ABLIM2: variants seen among roughly 807,000 people sequenced by gnomAD.
The protein encoded by ABLIM2 is actin binding LIM protein family member 2.
ABLIM2 carries 53 observed loss-of-function variants against 97.7 expected under a neutral mutation model. That is an observed-to-expected ratio of 0.54 (90% CI 0.44 to 0.68). The LOEUF is 0.68. ABLIM2 is among the 30% of genes least tolerant of loss of function. The pLI is 0.00. For missense variants in ABLIM2, 835 were observed against 867.2 expected, an observed-to-expected ratio of 0.96 and a Z score of 0.47; for synonymous variants, 361 against 345.8, an observed-to-expected ratio of 1.04 and a Z score of -0.49.
At chr4:7,980,832 G>C (rs1424170935) in intron 20 of ABLIM2, among the ~76,000 whole-genome samples, 1 of 151,456 alleles carries the variant, frequency 6.6e-6, no homozygotes, top group East Asian at 1.9e-4. Context: ...TGAGAGTCTA[G>C]CACCTTTTAA....
intron 14 of ABLIM2, among the ~76,000 whole-genome samples, chr4:8,016,344 G>A (rs1163017152): frequency 2.0e-5 from 3 of 152,028 alleles, no homozygotes; most frequent in African/African-American, 4.8e-5. Flanking sequence ...GTGCCTGGCC[G>A]GTCATGAATT....
intron 10 of ABLIM2, among the ~76,000 whole-genome samples, chr4:8,034,474 TGGTA>T (rs1782944435): frequency 2.9e-5 from 2 of 69,270 alleles, no homozygotes; most frequent in Non-Finnish European, 2.8e-5. Context: ...TGCTGGTGGG[TGGTA>T]GGTGGGTGCA....
rs554175244 is a variant in ABLIM2, at chr4:8,023,583, C to T, written c.1268-3280G>A. ...TCGTCAGCCATGGTGGCCTGCTCCA[C>T]GGTGGACTTGCTCCTTCTCTCCCCT... On this transcript the variant is annotated intron_variant, in intron 12 of 20. Transcript: ENST00000447017. This position sits in a 1 kb window ranked among gnomAD's most constrained non-coding sequence, Gnocchi z 5.7. Among the ~76,000 whole-genome samples the T allele has an allele frequency of 1.7e-3, 257 of 152,268 alleles. No individual in the cohort carries two copies. The highest frequency in any genetic ancestry group is 3.8e-3 in the African/African-American group (160 of 41,568).
intron 1 of ABLIM2, among the ~76,000 whole-genome samples, chr4:8,111,560 G>A (rs79883273): frequency 6.6e-6 from 1 of 152,196 alleles, no homozygotes; most frequent in East Asian, 1.9e-4. Flanking sequence ...GACGGGATGG[G>A]AGCACATCGG....
At position 8,150,454 on chromosome 4, in the gene ABLIM2, C is replaced by T. The variant is rs555247388; in HGVS notation, c.10+8226G>A. 9.2e-5 allele frequency among the ~76,000 whole-genome samples: 14 copies of T among 152,290 alleles called. No individual in the cohort carries two copies. Among genetic ancestry groups the T allele is most frequent in the East Asian group, 3.9e-4 (2 of 5,174 alleles). On this transcript the variant is annotated intron_variant, in intron 1 of 20. Transcript: ENST00000447017. The surrounding 1 kb of genome is among the most constrained non-coding windows in gnomAD (Gnocchi z 6.3). The stretch of plus-strand genomic sequence containing the variant: ...ATCGTGCCCTGAGGACAGACGCCAG[C>T]GAGGACAGAGGCAGCATGCTAGCCG...
At chr4:8,042,839 C>CAAAAAAA (rs35649540) in intron 9 of ABLIM2, among the ~76,000 whole-genome samples, 6 of 62,382 alleles carry the variant, frequency 9.6e-5, no homozygotes, top group Admixed American at 2.0e-4. Context: ...AACTCCAACT[C>CAAAAAAA]AAAAAAAAAA....
At chr4:8,030,016 G>A (rs1325892842) in intron 10 of ABLIM2, among the ~76,000 whole-genome samples, 3 of 152,136 alleles carry the variant, frequency 2.0e-5, no homozygotes, top group Non-Finnish European at 4.4e-5. Flanking sequence ...GTGTGGTACA[G>A]GGACCCACTG....
intron 7 of ABLIM2, among the ~76,000 whole-genome samples, chr4:8,056,902 A>T (rs1188194736): frequency 8.3e-6 from 1 of 120,820 alleles, no homozygotes; most frequent in Non-Finnish European, 1.6e-5. Flanking sequence ...ACTGCACTCC[A>T]CCCTGGGCGA....
rs62290652 is a variant in ABLIM2, at chr4:8,046,897, G to C, written c.823-1656C>G. 0.015 allele frequency among the ~76,000 whole-genome samples: 2,213 copies of C among 152,304 alleles called. 18 individuals carry two copies. The highest frequency in any genetic ancestry group is 0.023 in the Non-Finnish European group (1,570 of 68,018). ...GAAGGCAGCATCTACGAGCCAACGAGGGAGAAACCACCCCAGCTAACCCCG... is the reference window on the plus strand; with the variant it reads ...GAAGGCAGCATCTACGAGCCAACGACGGAGAAACCACCCCAGCTAACCCCG... On this transcript the variant is annotated intron_variant, in intron 8 of 20. Transcript: ENST00000447017. This position sits in a 1 kb window ranked among gnomAD's most constrained non-coding sequence, Gnocchi z 4.4.
chr4:8,091,809 A>AT lies in ABLIM2; in HGVS notation c.339-3526dup, dbSNP rs1222623411. Among the ~76,000 whole-genome samples the AT allele has an allele frequency of 2.2e-4, 19 of 85,946 alleles. No homozygotes were observed. In the East Asian group the frequency reaches 5.1e-3, roughly 23 times the overall value. 56.4% of individuals were successfully genotyped at this position (85,946 alleles called of 152,430 possible). On this transcript the variant is annotated intron_variant, in intron 3 of 20. Transcript: ENST00000447017. Reference sequence around the variant, plus strand: ...AATAATTATAGAATTAATATATTATATATTATATAATATATTATATAAATA... The same window carrying AT: ...AATAATTATAGAATTAATATATTATATTATTATATAATATATTATATAAATA...
At chr4:8,047,931 T>A (rs555666701) in intron 8 of ABLIM2, among the ~76,000 whole-genome samples, 1 of 152,352 alleles carries the variant, frequency 6.6e-6, no homozygotes, top group Middle Eastern at 3.4e-3. Context: ...AGAAAGATTC[T>A]CTGAAGCCGA....
chr4:8,133,919 T>C (rs1330003970), intron 1 of ABLIM2, among the ~76,000 whole-genome samples: 1 of 152,084 alleles, frequency 6.6e-6, no homozygotes, highest in East Asian at 1.9e-4. Flanking sequence ...GGGGAGCACC[T>C]GTCAGGCACC....
In ABLIM2 at chr4:8,127,616, C is replaced by G; in HGVS notation, c.11-20979G>C. 1 of 1,289,458 alleles carries G rather than the reference C, an allele frequency of 7.8e-7. No homozygotes were observed. Among genetic ancestry groups the G allele is most frequent in the South Asian group, 1.2e-5 (1 of 81,002 alleles). 79.9% of individuals were successfully genotyped at this position (1,289,458 alleles called of 1,614,324 possible). ...AGGGCCAGCGGGTCGGCGGCTCTCC[C>G]TCTGCGTGGCTGGGCCTGGCACCCA... On this transcript the variant is annotated intron_variant, in intron 1 of 20. Coordinates refer to ENST00000447017, the MANE Select transcript of ABLIM2 (RefSeq NM_001130083.2). This position sits in a 1 kb window ranked among gnomAD's most constrained non-coding sequence, Gnocchi z 7.3.
rs1234740897 is a variant in ABLIM2, at chr4:8,002,125, C to G, written c.1618+5934G>C. 6.6e-6 allele frequency among the ~76,000 whole-genome samples: 1 copy of G among 152,186 alleles called. No homozygotes were observed. The highest frequency in any genetic ancestry group is 1.5e-5 in the Non-Finnish European group (1 of 68,026). ...TTGGAGTGGCTGGGGCTACCAACTC[C>G]CACGGTTCCAGTCCCATCTGGGAGC... On this transcript the variant is annotated intron_variant, in intron 16 of 20. Transcript: ENST00000447017. The surrounding 1 kb of genome is among the most constrained non-coding windows in gnomAD (Gnocchi z 6.1).
chr4:8,031,369 T>C (rs1371391749), intron 10 of ABLIM2, among the ~76,000 whole-genome samples: 10 of 152,090 alleles, frequency 6.6e-5, no homozygotes, highest in African/African-American at 2.2e-4. Flanking sequence ...GAAGCTGACA[T>C]CCCTCCCTCA....
In ABLIM2 at chr4:8,071,390, G is replaced by GGGTGCT. The variant is rs1166627232; in HGVS notation, c.675+6232_675+6237dup. 6.6e-6 allele frequency among the ~76,000 whole-genome samples: 1 copy of GGGTGCT among 152,184 alleles called. No individual in the cohort carries two copies. Among genetic ancestry groups the GGGTGCT allele is most frequent in the Non-Finnish European group, 1.5e-5 (1 of 68,028 alleles). ...GTGGGATGCAGGCCAACATGCATGA[G>GGGTGCT]GGTGCTGCACGTTTAGGAGAAACTG... On this transcript the variant is annotated intron_variant, in intron 6 of 20. Coordinates refer to ENST00000447017, the MANE Select transcript of ABLIM2 (RefSeq NM_001130083.2). The surrounding 1 kb of genome is among the most constrained non-coding windows in gnomAD (Gnocchi z 6.2).
chr4:7,984,375 G>A (rs1741624222), intron 18 of ABLIM2, among the ~76,000 whole-genome samples: 1 of 152,238 alleles, frequency 6.6e-6, no homozygotes, highest in African/African-American at 2.4e-5. Flanking sequence ...GTGAGCCTGT[G>A]GGAGGTGTCA....
intron 20 of ABLIM2, among the ~76,000 whole-genome samples, chr4:7,972,475 T>C (rs1301966803): frequency 6.6e-6 from 1 of 152,186 alleles, no homozygotes; most frequent in Non-Finnish European, 1.5e-5. Flanking sequence ...GTGCTGACCT[T>C]CTCTGGCTCT....
chr4:8,080,127 G>A lies in ABLIM2; in HGVS notation c.581+549C>T, dbSNP rs538482777. 2.6e-5 allele frequency among the ~76,000 whole-genome samples: 4 copies of A among 152,358 alleles called. No homozygotes were observed. In the East Asian group the frequency reaches 5.8e-4, roughly 22 times the overall value. Reference sequence around the variant, plus strand: ...TTCCCAAATCGGCCACCACCCCAGTGTGACTGCACATTTGTGGGACATGTT... The same window carrying A: ...TTCCCAAATCGGCCACCACCCCAGTATGACTGCACATTTGTGGGACATGTT... On this transcript the variant is annotated intron_variant, in intron 5 of 20. Coordinates refer to ENST00000447017, the MANE Select transcript of ABLIM2 (RefSeq NM_001130083.2).
Sources: gnomAD v4.1 joint callset for allele counts (sites outside exome capture counted in the v4.1 genomes callset) on GRCh38, gnomAD v4.1.1 for gene constraint, Gnocchi (gnomAD v3.1) non-coding constraint, MANE v1.5 for transcripts, NCBI Gene and HGNC (gene_info 2026-07-23, HGNC 2026-07-21) for gene names.